SHISA9: variants seen among roughly 807,000 people sequenced by gnomAD.
SHISA9 encodes protein shisa-9.
Under a neutral mutation model 38.0 loss-of-function variants are expected in SHISA9, and 13 were observed. The observed-to-expected ratio is 0.34, with a 90% CI of 0.22 to 0.54. SHISA9 has a LOEUF of 0.54. SHISA9 is among the 20% of genes least tolerant of loss of function. The pLI is 0.91. For synonymous variants in SHISA9, 275 were observed against 242.0 expected (o/e 1.14, Z -1.27); for missense variants, 538 against 575.8 (o/e 0.93, Z 0.67).
chr16:12,952,300 C>T (rs1453986532), intron 2 of SHISA9, among the ~76,000 whole-genome samples: 2 of 152,174 alleles, frequency 1.3e-5, no homozygotes, highest in African/African-American at 4.8e-5. Context: ...CTCCACTGGG[C>T]CTGTGCATCT....
At chr16:13,018,624 C>T (rs2072785469) in intron 2 of SHISA9, among the ~76,000 whole-genome samples, 1 of 152,206 alleles carries the variant, frequency 6.6e-6, no homozygotes, top group African/African-American at 2.4e-5. Context: ...GTTTCCATCT[C>T]AGTCATTTCC....
chr16:12,960,256 A>G (rs2071891538), intron 2 of SHISA9, among the ~76,000 whole-genome samples: 2 of 152,204 alleles, frequency 1.3e-5, no homozygotes, highest in Non-Finnish European at 2.9e-5. Context: ...TGCCAGGTAC[A>G]GGCAATTTGC....
At chr16:13,096,832 A>T (rs932235725) in intron 2 of SHISA9, among the ~76,000 whole-genome samples, 6 of 151,838 alleles carry the variant, frequency 4.0e-5, no homozygotes, top group Admixed American at 2.6e-4. Context: ...TTCAACTGGG[A>T]GCTCTCTCTT....
intron 2 of SHISA9, among the ~76,000 whole-genome samples, chr16:13,091,633 AT>A (rs1290855716): frequency 6.6e-6 from 1 of 152,146 alleles, no homozygotes; most frequent in Non-Finnish European, 1.5e-5. Flanking sequence ...TTCTCATGCC[AT>A]GGTTTTCAGC....
intron 2 of SHISA9, among the ~76,000 whole-genome samples, chr16:13,018,038 C>G (rs546895185): frequency 6.6e-6 from 1 of 152,358 alleles, no homozygotes; most frequent in African/African-American, 2.4e-5. Flanking sequence ...ACCATTCACT[C>G]TTACCTAAAT....
intron 2 of SHISA9, among the ~76,000 whole-genome samples, chr16:13,106,588 G>A (rs1210709468): frequency 2.0e-5 from 3 of 152,110 alleles, no homozygotes; most frequent in Non-Finnish European, 4.4e-5. Flanking sequence ...TTTAGATAGG[G>A]TTTACCTTAA....
intron 2 of SHISA9, among the ~76,000 whole-genome samples, chr16:12,986,408 A>G (rs1215445660): frequency 6.7e-6 from 1 of 149,106 alleles, no homozygotes; most frequent in African/African-American, 2.6e-5. Flanking sequence ...TAGAAAATGA[A>G]TGAATTACTC....
At chr16:13,372,678 G>T in the SHISA9 span, among the ~76,000 whole-genome samples, 1 of 152,178 alleles carries the variant, frequency 6.6e-6, no homozygotes, top group Admixed American at 6.5e-5. Context: ...TGATAACCAT[G>T]ACTAATATTT....
the SHISA9 span, among the ~76,000 whole-genome samples, chr16:13,367,712 GCACACACACACACACACA>G: frequency 3.8e-5 from 4 of 104,638 alleles, no homozygotes; most frequent in African/African-American, 1.4e-4. Flanking sequence ...GCGCGCGCGC[GCACACACACACACACACA>G]CACACACACA....
the SHISA9 span, among the ~76,000 whole-genome samples, chr16:13,545,791 C>T: frequency 6.6e-6 from 1 of 152,126 alleles, no homozygotes; most frequent in Non-Finnish European, 1.5e-5. Flanking sequence ...GGCACCACAC[C>T]GGTCCCGATC....
the SHISA9 span, among the ~76,000 whole-genome samples, chr16:13,373,517 C>A: frequency 1.3e-5 from 2 of 152,174 alleles, no homozygotes; most frequent in Non-Finnish European, 2.9e-5. Flanking sequence ...AATCCCAGCA[C>A]TTTGGGAGGC....
Position 13,238,630 on chromosome 16 carries a change from G to A in SHISA9, c.*3221G>A, listed in dbSNP as rs1485903205. ...AGCAAAGGTGCAGACTGGTCATTAA[G>A]ATGTAGCCACAATGATGGCCCAAGA... On this transcript the variant is annotated 3_prime_UTR_variant, in exon 5 of 5. Transcript: ENST00000558583. 1 of 152,176 alleles carries A rather than the reference G, an allele frequency of 6.6e-6. No individual in the cohort carries two copies. Among genetic ancestry groups the A allele is most frequent in the East Asian group, 1.9e-4 (1 of 5,166 alleles). 9.4% of individuals were successfully genotyped at this position (152,176 alleles called of 1,614,324 possible).
intron 2 of SHISA9, among the ~76,000 whole-genome samples, chr16:13,194,089 T>C (rs2050913765): frequency 6.6e-6 from 1 of 152,086 alleles, no homozygotes; most frequent in South Asian, 2.1e-4. Context: ...TTCTTTTCCT[T>C]CTCACATCCC....
intron 2 of SHISA9, among the ~76,000 whole-genome samples, chr16:13,009,540 G>T (rs776290789): frequency 6.6e-6 from 1 of 152,218 alleles, no homozygotes; most frequent in South Asian, 2.1e-4. Flanking sequence ...AAGGTGAAAG[G>T]GCCAATAGCC....
At chr16:13,018,663 T>G (rs1469118838) in intron 2 of SHISA9, among the ~76,000 whole-genome samples, 1 of 152,224 alleles carries the variant, frequency 6.6e-6, no homozygotes, top group Non-Finnish European at 1.5e-5. Context: ...CAGCTGGTGA[T>G]ATTTCCAAAG....
At chr16:13,433,543 G>A in the SHISA9 span, among the ~76,000 whole-genome samples, 2 of 129,862 alleles carry the variant, frequency 1.5e-5, no homozygotes, top group African/African-American at 5.7e-5. Context: ...AGATTAATGT[G>A]TTCAAGGATA....
chr16:12,927,917 A>C (rs927339890), intron 2 of SHISA9, among the ~76,000 whole-genome samples: 8 of 152,174 alleles, frequency 5.3e-5, no homozygotes, highest in Non-Finnish European at 8.8e-5. Flanking sequence ...TCTGGTTTCA[A>C]AGATGATTAA....
chr16:13,427,439 C>T, the SHISA9 span, among the ~76,000 whole-genome samples: 3 of 152,150 alleles, frequency 2.0e-5, no homozygotes, highest in East Asian at 3.9e-4. Context: ...GATTAAAACG[C>T]AACAGCATTT....
At chr16:13,311,529 G>A in the SHISA9 span, among the ~76,000 whole-genome samples, 1 of 152,062 alleles carries the variant, frequency 6.6e-6, no homozygotes, top group Non-Finnish European at 1.5e-5. Flanking sequence ...GTCCAGCCTT[G>A]GTGGGTTTCA....
Sources: allele counts gnomAD v4.1 joint callset (sites outside exome capture counted in the v4.1 genomes callset), GRCh38; gene constraint gnomAD v4.1.1; transcripts MANE v1.5; gene names NCBI Gene and HGNC (gene_info 2026-07-23, HGNC 2026-07-21).